GLTP: variants seen among roughly 807,000 people sequenced by gnomAD.
The protein encoded by GLTP is glycolipid transfer protein.
Under a neutral mutation model 24.0 loss-of-function variants are expected in GLTP, and 22 were observed. That is an observed-to-expected ratio of 0.92 (90% confidence interval 0.65 to 1.31). GLTP has a LOEUF of 1.31. Ranked by LOEUF, GLTP falls within the 50% of genes most tolerant of loss-of-function variation. The pLI, the probability that GLTP is intolerant of heterozygous loss-of-function variation, is 0.00. For missense variants in GLTP, 224 were observed against 276.6 expected (o/e 0.81, Z 1.35); for synonymous variants, 92 against 115.9 (o/e 0.79, Z 1.33).
intron 1 of GLTP, among the ~76,000 whole-genome samples, chr12:109,877,922 C>CT (rs1277640146): frequency 2.6e-5 from 4 of 151,906 alleles, no homozygotes; most frequent in Admixed American, 6.6e-5. Context: ...CGAACTATCA[C>CT]TTTTTTTTTC....
chr12:109,875,623 A>C (rs1429624112), intron 1 of GLTP, among the ~76,000 whole-genome samples: 1 of 152,226 alleles, frequency 6.6e-6, no homozygotes, highest in Non-Finnish European at 1.5e-5. Context: ...GTCAGGAAAG[A>C]TCTGATTACT....
At position 109,857,891 on chromosome 12, in the gene GLTP, CATT is replaced by C. The variant is rs1892820135; in HGVS notation, c.163-235_163-233del. On this transcript the variant is annotated intron_variant, in intron 2 of 4. Coordinates refer to ENST00000318348, the MANE Select transcript of GLTP (RefSeq NM_016433.4). This position sits in a 1 kb window ranked among gnomAD's most constrained non-coding sequence, Gnocchi z 4.3. ...CTGGTGGCAAACCTGATGTTGCTGT[CATT>C]ATCCCATTTTACAGGCAGAGACACT... 1 of 553,686 alleles carries C rather than the reference CATT, an allele frequency of 1.8e-6. No individual in the cohort carries two copies. The highest frequency in any genetic ancestry group is 3.2e-5 in the East Asian group (1 of 30,784). The allele number at this position is 553,686 out of a possible 1,614,324, so 34.3% of individuals were successfully genotyped here.
chr12:109,852,104 C>A lies in GLTP; in HGVS notation c.*451G>T, dbSNP rs569736342. Reference sequence around the variant, plus strand: ...CCTCAGGTGATCCACCCGCCTCAGCCTCCCAAAGTGCTGGGATTACAGGCG... The same window carrying A: ...CCTCAGGTGATCCACCCGCCTCAGCATCCCAAAGTGCTGGGATTACAGGCG... On this transcript the variant is annotated 3_prime_UTR_variant, in exon 5 of 5. Coordinates refer to ENST00000318348, the MANE Select transcript of GLTP (RefSeq NM_016433.4). The A allele has an allele frequency of 6.5e-6, 1 of 153,000 alleles. No homozygotes were observed. Among genetic ancestry groups the A allele is most frequent in the East Asian group, 1.9e-4 (1 of 5,206 alleles). The allele number at this position is 153,000 out of a possible 1,614,324, so 9.5% of individuals were successfully genotyped here. A position where few individuals can be genotyped will look rare whatever the true frequency, so the allele number is the denominator to read the frequency against.
rs547605119 is a variant in GLTP, at chr12:109,859,756, A to T, written c.104-1015T>A. ...GGTCTTTGGGGGAATTTGATGCATC[A>T]CCACTATATTAGAACTGAGCCATTA... On this transcript the variant is annotated intron_variant, in intron 1 of 4. Transcript: ENST00000318348. 6 of 155,838 alleles carry T rather than the reference A, an allele frequency of 3.9e-5. No homozygotes were observed. The South Asian group carries it at 1.2e-3, about 32-fold the overall frequency. 9.7% of individuals were successfully genotyped at this position (155,838 alleles called of 1,614,324 possible).
chr12:109,869,204 G>A (rs1018040280), intron 1 of GLTP, among the ~76,000 whole-genome samples: 18 of 149,596 alleles, frequency 1.2e-4, no homozygotes, highest in Admixed American at 5.4e-4. Context: ...GGAGGCTGAG[G>A]CAGGAGAATC....
intron 1 of GLTP, among the ~76,000 whole-genome samples, chr12:109,875,749 T>C (rs867389799): frequency 2.0e-5 from 3 of 152,306 alleles, no homozygotes; most frequent in Middle Eastern, 3.4e-3. Context: ...GCCCAAGATA[T>C]GGATGCGCTA....
chr12:109,879,966 A>G (rs1025085753), intron 1 of GLTP, among the ~76,000 whole-genome samples: 2 of 151,872 alleles, frequency 1.3e-5, no homozygotes, highest in South Asian at 2.1e-4. Flanking sequence ...GAGATGGAAG[A>G]TCATCCGTGT....
intron 4 of GLTP, among the ~76,000 whole-genome samples, chr12:109,853,610 C>A (rs1353734617): frequency 3.3e-5 from 5 of 150,960 alleles, no homozygotes; most frequent in African/African-American, 1.2e-4. Context: ...ATTGCTTGAA[C>A]CCGGGAGGCA....
rs770790097 is a variant in GLTP at position 109,880,414 on chromosome 12, G to A, written c.-40C>T. On this transcript the variant is annotated 5_prime_UTR_variant, in exon 1 of 5. Coordinates refer to ENST00000318348, the MANE Select transcript of GLTP (RefSeq NM_016433.4). The surrounding 1 kb of genome is among the most constrained non-coding windows in gnomAD (Gnocchi z 5.1). Reference sequence around the variant, plus strand: ...CCGCGGTGATGCCCCAGCCGGCGCCGCGGGCGTCGACACCGCCCCCCCGGC... The same window carrying A: ...CCGCGGTGATGCCCCAGCCGGCGCCACGGGCGTCGACACCGCCCCCCCGGC... 12 of 1,136,484 alleles carry A rather than the reference G, an allele frequency of 1.1e-5. No homozygotes were observed. The South Asian group carries it at 1.7e-4, about 16-fold the overall frequency. The allele number at this position is 1,136,484 out of a possible 1,614,324, so 70.4% of individuals were successfully genotyped here.
At chr12:109,874,953 G>T (rs1181107468) in intron 1 of GLTP, among the ~76,000 whole-genome samples, 1 of 152,074 alleles carries the variant, frequency 6.6e-6, no homozygotes. Context: ...AGTAGAGACG[G>T]AGTTTCTCCA....
intron 1 of GLTP, among the ~76,000 whole-genome samples, chr12:109,872,415 A>T (rs921399312): frequency 3.3e-5 from 5 of 152,084 alleles, no homozygotes; most frequent in African/African-American, 1.2e-4. Context: ...CCTTCCACTC[A>T]TCTGTCCACG....
chr12:109,852,693 C>T lies in GLTP; in HGVS notation c.492G>A (p.Ala164=), dbSNP rs762063712. The T allele has an allele frequency of 3.5e-5, 56 of 1,612,480 alleles. No homozygotes were observed. In the South Asian group the frequency reaches 4.6e-4, roughly 13 times the overall value. Residue 164 remains alanine, a synonymous_variant, in exon 5 of 5, where the codon GCG becomes GCA. Coordinates refer to ENST00000318348, the MANE Select transcript of GLTP (RefSeq NM_016433.4). ...AAPYKSDFLK[A]LSKGQNVTEE... ...CCGTAACATTCTGCCCCTTGGAGAG[C>T]GCTTTCAGGAAGTCAGACTTATAGG...
intron 2 of GLTP, chr12:109,858,012 A>G (rs991389146): frequency 5.8e-5 from 25 of 430,662 alleles, no homozygotes; most frequent in Non-Finnish European, 1.8e-5. Flanking sequence ...CTCAGACACC[A>G]AGTATCTGAA....
intron 1 of GLTP, among the ~76,000 whole-genome samples, chr12:109,869,282 C>T (rs1376420920): frequency 2.7e-5 from 3 of 111,822 alleles, no homozygotes; most frequent in Admixed American, 1.3e-4. Flanking sequence ...CCAGCCTGGG[C>T]GACAGAGTAA....
At chr12:109,856,777 C>T (rs544987911) in intron 3 of GLTP, among the ~76,000 whole-genome samples, 7 of 152,178 alleles carry the variant, frequency 4.6e-5, no homozygotes, top group Non-Finnish European at 8.8e-5. Context: ...CTCCTCCTCA[C>T]GGCCGGGCAC....
Position 109,851,997 on chromosome 12 carries a change from GCCAC to G in GLTP, c.*554_*557del, listed in dbSNP as rs1178581651. ...TGAGTAGCTGGAACTACAGGCGTGC[GCCAC>G]CATGCCCAGCTAATTTTTTATATTT... On this transcript the variant is annotated 3_prime_UTR_variant, in exon 5 of 5. Coordinates refer to ENST00000318348, the MANE Select transcript of GLTP (RefSeq NM_016433.4). 1.3e-5 allele frequency: 2 copies of G among 152,286 alleles called. No homozygotes were observed. The highest frequency in any genetic ancestry group is 2.9e-5 in the Non-Finnish European group (2 of 68,164). 9.4% of individuals were successfully genotyped at this position (152,286 alleles called of 1,614,324 possible).
chr12:109,853,973 C>G (rs1892760773), intron 4 of GLTP, among the ~76,000 whole-genome samples: 1 of 79,142 alleles, frequency 1.3e-5, no homozygotes, highest in Admixed American at 1.5e-4. Flanking sequence ...CCAACCTGAC[C>G]TCAGGTGATC....
intron 1 of GLTP, among the ~76,000 whole-genome samples, chr12:109,869,317 A>AAAG (rs1555214922): frequency 7.3e-6 from 1 of 136,754 alleles, no homozygotes; most frequent in Non-Finnish European, 1.5e-5. Flanking sequence ...AAAAAAAAAA[A>AAAG]AAAGAAAGAA....
chr12:109,869,318 AAAGAAAG>A (rs1868643056), intron 1 of GLTP, among the ~76,000 whole-genome samples: 2 of 132,828 alleles, frequency 1.5e-5, no homozygotes, highest in African/African-American at 5.6e-5. Flanking sequence ...AAAAAAAAAA[AAAGAAAG>A]AAAGAAAGAA....
Sources: allele counts gnomAD v4.1 joint callset (sites outside exome capture counted in the v4.1 genomes callset), GRCh38; gene constraint gnomAD v4.1.1; non-coding constraint Gnocchi (gnomAD v3.1); transcripts MANE v1.5; gene names NCBI Gene and HGNC (gene_info 2026-07-23, HGNC 2026-07-21).